NUDT11: variants seen among roughly 807,000 people sequenced by gnomAD.
The protein encoded by NUDT11 is nudix hydrolase 11.
A neutral mutation model predicts 10.0 loss-of-function variants in NUDT11; 1 was observed. That is an observed-to-expected ratio of 0.10 (90% CI 0.04 to 0.47). The LOEUF is 0.47. Among genes scored for constraint, NUDT11 ranks in the 20% least tolerant of loss-of-function variants. The pLI, the probability that NUDT11 is intolerant of heterozygous loss-of-function variation, is 0.96. For synonymous variants in NUDT11, 63 were observed against 65.9 expected, an observed-to-expected ratio of 0.96 and a Z score of 0.21; for missense variants, 47 against 140.4, an observed-to-expected ratio of 0.33 and a Z score of 3.36.
intron 1 of NUDT11, 113 bp from the exon 2 acceptor site, chrX:51,491,862 C>T: frequency 1.8e-6 from 1 of 548,453 alleles, no homozygotes; most frequent in Admixed American, 2.3e-5. Context: ...AAGCACTTCA[C>T]TTCCACAGAA....
In NUDT11 at chrX:51,495,955, G is replaced by A. The variant is rs781877290; in HGVS notation, c.490C>T (p.Pro164Ser). 3.6e-5 allele frequency: 43 copies of A among 1,206,719 alleles called. No homozygotes were observed. In the Admixed American group the frequency reaches 5.0e-4, roughly 14 times the overall value. ...GCGAGCGCAAGCGGTACATACTAGG[G>A]ATCGCTATCTGGCGAGGATGGGGCC... The part of the protein sequence containing the change: ...SMAPSSPDSD[P>S] Residue 164 changes from proline (P) to serine (S), a missense_variant, in exon 1 of 2, where the codon CCC (proline) becomes TCC (serine). By Grantham distance (74) the Pro-to-Ser change is moderately conservative. Transcript: ENST00000375992.
In NUDT11 at chrX:51,496,174, G is replaced by T. The variant is rs1925702273; in HGVS notation, c.271C>A (p.His91Asn). ...GTCAGTACATACACGTACGTTCTGT[G>T]CTTGCGATCCTGGTTCTGTTCGAAG... ...GVFEQNQDRK[H>N]RTYVYVLTVT... Residue 91 changes from histidine to asparagine, a missense_variant, in exon 1 of 2, where the codon CAC (histidine) becomes AAC (asparagine). By Grantham distance (68) the His-to-Asn change is moderately conservative. Coordinates refer to ENST00000375992, the MANE Select transcript of NUDT11 (RefSeq NM_018159.4). 8.3e-7 allele frequency: 1 copy of T among 1,209,770 alleles called. No individual in the cohort carries two copies. Among genetic ancestry groups the T allele is most frequent in the Non-Finnish European group, 1.1e-6 (1 of 895,097 alleles).
rs372597308 is a variant in NUDT11 at position 51,496,256 on chromosome X, G to C, written c.189C>G (p.Val63=). 19 of 1,208,592 alleles carry C rather than the reference G, an allele frequency of 1.6e-5. No individual in the cohort carries two copies. In the African/African-American group the frequency reaches 3.3e-4, roughly 21 times the overall value. The change falls in exon 1 of 2, where the codon GTC becomes GTG. Residue 63 remains valine, a synonymous_variant. Transcript: ENST00000375992. ...EPEEEPGGAA[V]REVYEEAGVK... ...CTCCCGCTTCTTCGTACACCTCTCG[G>C]ACCGCCGCACCGCCCGGCTCCTCCT...
chrX:51,495,235 CAG>C (rs781915253), intron 1 of NUDT11, among the ~76,000 whole-genome samples: 2 of 111,587 alleles, frequency 1.8e-5, no homozygotes, highest in South Asian at 3.8e-4. Flanking sequence ...CATATAGAAA[CAG>C]AAAAAGAAAT....
At chrX:51,492,765 T>C (rs1160689315) in intron 1 of NUDT11, among the ~76,000 whole-genome samples, 1 of 112,151 alleles carries the variant, frequency 8.9e-6, no homozygotes, top group Non-Finnish European at 1.9e-5. Context: ...CCAAACATAT[T>C]TAAAATCTGC....
chrX:51,493,041 C>T (rs1602116403), intron 1 of NUDT11, among the ~76,000 whole-genome samples: 1 of 112,601 alleles, frequency 8.9e-6, no homozygotes, highest in East Asian at 2.8e-4. Context: ...AAATTATTTT[C>T]GAGTTTCTTC....
At chrX:51,495,424 C>T (rs1364894562) in intron 1 of NUDT11, among the ~76,000 whole-genome samples, 1 of 111,725 alleles carries the variant, frequency 9.0e-6, no homozygotes, top group Non-Finnish European at 1.9e-5. Flanking sequence ...AAGGAGAAAA[C>T]TAAAGGGGAA....
intron 1 of NUDT11, among the ~76,000 whole-genome samples, chrX:51,495,084 G>T (rs1292477183): frequency 3.6e-5 from 4 of 111,939 alleles, no homozygotes; most frequent in Non-Finnish European, 7.5e-5. Flanking sequence ...TGTGAATACG[G>T]TTTTTCTGAT....
Position 51,496,302 on chromosome X carries a change from G to C in NUDT11, c.143C>G (p.Pro48Arg), listed in dbSNP as rs1557326666. The change falls in exon 1 of 2, where the codon CCG (proline) becomes CGG (arginine). Residue 48 changes from proline (P) to arginine (R), a missense_variant. Pro to Arg is a moderately radical substitution (Grantham distance 103, BLOSUM62 -2). Transcript: ENST00000375992. ...SSRYPDRWIVPGGGMEPEEEP... is the reference protein window; with the variant it reads ...SSRYPDRWIVRGGGMEPEEEP... ...CTCCTCGGGCTCCATGCCCCCGCCCGGCACGATCCAGCGGTCCGGGTACCG... is the reference window on the plus strand; with the variant it reads ...CTCCTCGGGCTCCATGCCCCCGCCCCGCACGATCCAGCGGTCCGGGTACCG... 1.7e-6 allele frequency: 2 copies of C among 1,205,873 alleles called. No homozygotes were observed.
chrX:51,495,305 A>G (rs7059759), intron 1 of NUDT11, among the ~76,000 whole-genome samples: 1 of 112,082 alleles, frequency 8.9e-6, no homozygotes, highest in African/African-American at 3.2e-5. Flanking sequence ...TAGAGTGCAG[A>G]AAGAGCACAA....
At chrX:51,495,649 C>A (rs782683866) in intron 1 of NUDT11, among the ~76,000 whole-genome samples, 1 of 109,471 alleles carries the variant, frequency 9.1e-6, no homozygotes, top group Non-Finnish European at 1.9e-5. Flanking sequence ...CACACACCTC[C>A]CAAAAGCAGG....
intron 1 of NUDT11, 99 bp downstream of exon 1, chrX:51,495,852 C>G: frequency 4.5e-6 from 5 of 1,113,732 alleles, no homozygotes; most frequent in Non-Finnish European, 6.0e-6. Context: ...CCTCCCTCCT[C>G]CCCGTGAGAC....
At chrX:51,493,109 ACTT>A (rs1281096493) in intron 1 of NUDT11, among the ~76,000 whole-genome samples, 3 of 112,445 alleles carry the variant, frequency 2.7e-5, no homozygotes, top group African/African-American at 9.7e-5. Context: ...ACACACACAT[ACTT>A]CTTGAGAAAA....
At chrX:51,495,891 G>C (rs781851669) in intron 1 of NUDT11, 60 bp downstream of exon 1, 16 of 1,184,020 alleles carry the variant, frequency 1.4e-5, no homozygotes, top group Admixed American at 2.3e-5. Flanking sequence ...TGCTCCAGGC[G>C]GGACGCATTT....
chrX:51,492,785 T>C (rs970596159), intron 1 of NUDT11, among the ~76,000 whole-genome samples: 1 of 112,290 alleles, frequency 8.9e-6, no homozygotes, highest in Non-Finnish European at 1.9e-5. Flanking sequence ...CTAAATACCA[T>C]TAGTATTAAT....
chrX:51,496,259 C>T lies in NUDT11; in HGVS notation c.186G>A (p.Ala62=), dbSNP rs1380214271. 12 of 1,210,824 alleles carry T rather than the reference C, an allele frequency of 9.9e-6. No individual in the cohort carries two copies. Among genetic ancestry groups the T allele is most frequent in the Non-Finnish European group, 1.2e-5 (11 of 895,009 alleles). ...CCGCTTCTTCGTACACCTCTCGGAC[C>T]GCCGCACCGCCCGGCTCCTCCTCGG... ...MEPEEEPGGA[A]VREVYEEAGV... is the part of the protein sequence containing the mutation. The change falls in exon 1 of 2, where the codon GCG becomes GCA. Residue 62 remains alanine, a synonymous_variant. Coordinates refer to ENST00000375992, the MANE Select transcript of NUDT11 (RefSeq NM_018159.4).
At chrX:51,494,320 GATA>G (rs1243500098) in intron 1 of NUDT11, among the ~76,000 whole-genome samples, 2 of 112,052 alleles carry the variant, frequency 1.8e-5, no homozygotes, top group Non-Finnish European at 3.8e-5. Context: ...ATGTAATTCA[GATA>G]ATAAAACTGT....
rs189259944 is a variant in NUDT11, at chrX:51,492,362, G to A, written c.*-613C>T. Among the ~76,000 whole-genome samples the A allele has an allele frequency of 2.5e-3, 276 of 109,287 alleles. 1 individual carries two copies. Among genetic ancestry groups the A allele is most frequent in the South Asian group, 6.5e-3 (16 of 2,476 alleles). 94.9% of individuals were successfully genotyped at this position (109,287 alleles called of 115,157 possible). ...CAATGTAGTTTCTATCACATCATGC[G>A]CTCACTCTTTTTTTTTTTTTTTGAG... On this transcript the variant is annotated intron_variant, in intron 1 of 1. Transcript: ENST00000375992.
rs1925563094 is a variant in NUDT11, at chrX:51,490,216, C to A, written c.*1533G>T. ...CATATCATTTCACCTGTACATTTTTCAGTATACTTCTCTAAAAGATAATCA... is the reference window on the plus strand; with the variant it reads ...CATATCATTTCACCTGTACATTTTTAAGTATACTTCTCTAAAAGATAATCA... On this transcript the variant is annotated 3_prime_UTR_variant, in exon 2 of 2. Transcript: ENST00000375992. 9.0e-6 allele frequency: 1 copy of A among 111,437 alleles called. No individual in the cohort carries two copies. Among genetic ancestry groups the A allele is most frequent in the Non-Finnish European group, 1.9e-5 (1 of 53,094 alleles). The allele number at this position is 111,437 out of a possible 1,213,427, so 9.2% of individuals were successfully genotyped here. A position where few individuals can be genotyped will look rare whatever the true frequency, so the allele number is the denominator to read the frequency against.
Sources: gnomAD v4.1 joint callset for allele counts (sites outside exome capture counted in the v4.1 genomes callset) on GRCh38, gnomAD v4.1.1 for gene constraint, MANE v1.5 for transcripts, NCBI Gene and HGNC (gene_info 2026-07-23, HGNC 2026-07-21) for gene names.